Variants in SLIT3 observed in about 807,000 individuals in gnomAD.
SLIT3 encodes the protein slit guidance ligand 3.
A neutral mutation model predicts 184.0 loss-of-function variants in SLIT3; 68 were observed. The ratio of observed to expected loss-of-function variants is 0.37; its 90% CI spans 0.30 to 0.45. SLIT3 has a LOEUF of 0.45. Ranked by LOEUF, SLIT3 falls within the 20% of genes least tolerant of loss-of-function variation. The pLI is 1.00. For synonymous variants in SLIT3, 831 were observed against 828.6 expected (o/e 1.00, Z -0.05); for missense variants, 1,707 against 2,026.0 (o/e 0.84, Z 3.02).
chr5:169,003,444 C>T (rs139925973), intron 4 of SLIT3, among the ~76,000 whole-genome samples: 31 of 152,316 alleles, frequency 2.0e-4, no homozygotes, highest in Admixed American at 2.0e-3. Flanking sequence ...CTAACGTCTC[C>T]TCCGATACCC....
intron 4 of SLIT3, among the ~76,000 whole-genome samples, chr5:169,108,634 A>C (rs1204336100): frequency 6.6e-6 from 1 of 151,058 alleles, no homozygotes; most frequent in East Asian, 1.9e-4. Context: ...TTGGTGAAGG[A>C]CTCCTTTTAA....
At chr5:168,911,900 G>T (rs1289039319) in intron 4 of SLIT3, among the ~76,000 whole-genome samples, 1 of 152,202 alleles carries the variant, frequency 6.6e-6, no homozygotes. Context: ...TGCCTGTGCT[G>T]AACTCCCGTT....
chr5:168,729,785 C>A (rs2113394010), intron 20 of SLIT3, among the ~76,000 whole-genome samples: 1 of 151,898 alleles, frequency 6.6e-6, no homozygotes, highest in Middle Eastern at 3.4e-3. Flanking sequence ...TTCACCAAAC[C>A]ACAAAGACAG....
chr5:168,984,104 T>C (rs1223757935), intron 4 of SLIT3, among the ~76,000 whole-genome samples: 1 of 152,066 alleles, frequency 6.6e-6, no homozygotes, highest in Non-Finnish European at 1.5e-5. Flanking sequence ...TAAGTATTAA[T>C]ATAAATACTG....
At chr5:168,798,223 C>CTTTTTTTTTTTTTTTTTTTTTTTTTTTT (rs747746239) in intron 9 of SLIT3, among the ~76,000 whole-genome samples, 2 of 109,056 alleles carry the variant, frequency 1.8e-5, no homozygotes, top group African/African-American at 9.1e-5. Flanking sequence ...TCTTCTTCTT[C>CTTTTTTTTTTTTTTTTTTTTTTTTTTTT]TTTTTTTTTT....
chr5:169,026,261 G>A (rs1019172897), intron 4 of SLIT3: 2 of 152,174 alleles, frequency 1.3e-5, no homozygotes, highest in African/African-American at 4.8e-5. Flanking sequence ...AAATGAAATT[G>A]TAAGAAGGCT....
At chr5:169,286,680 A>G (rs140827696) in intron 1 of SLIT3, among the ~76,000 whole-genome samples, 3 of 152,186 alleles carry the variant, frequency 2.0e-5, no homozygotes, top group East Asian at 1.9e-4. Flanking sequence ...ACCATGCTGC[A>G]GTTGCTAAAA....
At chr5:169,134,861 G>A (rs2112191) in intron 4 of SLIT3, among the ~76,000 whole-genome samples, 50,217 of 152,122 alleles carry the variant, frequency 0.33, 8,744 homozygotes, top group Middle Eastern at 0.46. Context: ...AATTTTATAT[G>A]TAGGTTTTTG....
intron 1 of SLIT3, among the ~76,000 whole-genome samples, chr5:169,279,720 G>C (rs1766932534): frequency 6.6e-6 from 1 of 152,164 alleles, no homozygotes; most frequent in African/African-American, 2.4e-5. Flanking sequence ...AGAATGCTTA[G>C]TGGTTGACAA....
At chr5:169,189,730 G>A (rs1331441589) in intron 4 of SLIT3, among the ~76,000 whole-genome samples, 2 of 151,684 alleles carry the variant, frequency 1.3e-5, no homozygotes, top group East Asian at 1.9e-4. Flanking sequence ...TGGTTCTGCC[G>A]CTAAGTAGTT....
intron 2 of SLIT3, among the ~76,000 whole-genome samples, chr5:169,245,033 T>TC (rs1561763234): frequency 1.3e-5 from 2 of 152,028 alleles, no homozygotes; most frequent in African/African-American, 4.8e-5. Context: ...TCAGTAAATG[T>TC]CCCCCCAAGC....
chr5:169,056,868 C>T (rs1413211586), intron 4 of SLIT3, among the ~76,000 whole-genome samples: 4 of 152,318 alleles, frequency 2.6e-5, no homozygotes, highest in East Asian at 1.9e-4. Context: ...AGAGTCCAAA[C>T]GCTCACATGT....
rs138940413 is a variant in SLIT3, at chr5:169,161,845, C to T, written c.413+31634G>A. Among the ~76,000 whole-genome samples, 14 of 152,246 alleles carry T rather than the reference C, an allele frequency of 9.2e-5. No individual in the cohort carries two copies. The East Asian group carries it at 2.5e-3, about 27-fold the overall frequency. Reference sequence around the variant, plus strand: ...ATTATAGCCCAGCTCTGCACACTTACTAGCTGGGTGACCCTGGGCAAGTCA... The same window carrying T: ...ATTATAGCCCAGCTCTGCACACTTATTAGCTGGGTGACCCTGGGCAAGTCA... On this transcript the variant is annotated intron_variant, in intron 4 of 35. Coordinates refer to ENST00000519560, the MANE Select transcript of SLIT3 (RefSeq NM_003062.4).
chr5:168,842,468 C>CTTTTTTTTTTTT (rs1561962519), intron 6 of SLIT3, among the ~76,000 whole-genome samples: 1 of 61,318 alleles, frequency 1.6e-5, no homozygotes, highest in African/African-American at 1.2e-4. Context: ...ACCGTTTTTT[C>CTTTTTTTTTTTT]GTTTTTTTTT....
chr5:169,152,961 C>A (rs924917524), intron 4 of SLIT3, among the ~76,000 whole-genome samples: 1 of 152,178 alleles, frequency 6.6e-6, no homozygotes, highest in African/African-American at 2.4e-5. Context: ...CTCAGCTCTA[C>A]GGTCTCCAGA....
intron 4 of SLIT3, among the ~76,000 whole-genome samples, chr5:169,122,754 T>C (rs1031813544): frequency 1.3e-5 from 2 of 152,214 alleles, no homozygotes; most frequent in African/African-American, 4.8e-5. Context: ...CATTGGTCAA[T>C]GTCTATGACC....
intron 4 of SLIT3, among the ~76,000 whole-genome samples, chr5:169,033,661 G>T (rs576624329): frequency 6.6e-5 from 10 of 152,020 alleles, no homozygotes; most frequent in Non-Finnish European, 1.0e-4. Flanking sequence ...ATCTCATCTG[G>T]TTTTGATTAA....
At chr5:168,731,673 C>T (rs949475269) in intron 20 of SLIT3, among the ~76,000 whole-genome samples, 1 of 152,010 alleles carries the variant, frequency 6.6e-6, no homozygotes. Flanking sequence ...AATAAATGTG[C>T]ATCACATAAA....
rs541880496 is a variant in SLIT3 at position 168,955,345 on chromosome 5, G to A, written c.414-72009C>T. 1.1e-4 allele frequency among the ~76,000 whole-genome samples: 17 copies of A among 152,246 alleles called. No homozygotes were observed. In the East Asian group the frequency reaches 2.5e-3, roughly 22 times the overall value. On this transcript the variant is annotated intron_variant, in intron 4 of 35. Transcript: ENST00000519560. ...AGTGCTCCCTAGAGGCTCTCCCAAGGGGGACTGTGTGGCTGCCTTCTCTAG... is the reference window on the plus strand; with the variant it reads ...AGTGCTCCCTAGAGGCTCTCCCAAGAGGGACTGTGTGGCTGCCTTCTCTAG...
Sources: gnomAD v4.1 joint callset for allele counts (sites outside exome capture counted in the v4.1 genomes callset) on GRCh38, gnomAD v4.1.1 for gene constraint, MANE v1.5 for transcripts, NCBI Gene and HGNC (gene_info 2026-07-23, HGNC 2026-07-21) for gene names.